RXFP2: variants seen among roughly 807,000 people sequenced by gnomAD.
RXFP2 encodes the protein relaxin receptor 2.
Under a neutral mutation model 88.6 loss-of-function variants are expected in RXFP2, and 68 were observed. That is an observed-to-expected ratio of 0.77 (90% CI 0.63 to 0.94). The LOEUF is 0.94. RXFP2 is among the 40% of genes least tolerant of loss of function. The pLI is 0.00. For missense variants in RXFP2, 791 were observed against 893.9 expected, an observed-to-expected ratio of 0.88 and a Z score of 1.47; for synonymous variants, 329 against 306.8, an observed-to-expected ratio of 1.07 and a Z score of -0.76.
At chr13:31,781,808 C>T (rs1873296391) in intron 10 of RXFP2, 66 bp downstream of exon 10, 1 of 1,338,786 alleles carries the variant, frequency 7.5e-7, no homozygotes, top group East Asian at 2.3e-5. Flanking sequence ...AAAAAGAAAA[C>T]ATTGACAAAA....
At chr13:31,756,614 A>C (rs1187812906) in intron 1 of RXFP2, among the ~76,000 whole-genome samples, 4 of 137,582 alleles carry the variant, frequency 2.9e-5, no homozygotes. Context: ...ATTTCTGTGA[A>C]GTTCCAATTT....
intron 7 of RXFP2, among the ~76,000 whole-genome samples, chr13:31,776,540 A>C (rs901758462): frequency 8.3e-4 from 126 of 152,202 alleles, no homozygotes; most frequent in African/African-American, 2.8e-3. Flanking sequence ...ATTACAGGCA[A>C]GAGCCACCAC....
chr13:31,782,625 A>T (rs1221944087), intron 10 of RXFP2, 51 bp from the exon 11 acceptor site: 2 of 1,339,134 alleles, frequency 1.5e-6, no homozygotes, highest in South Asian at 2.3e-5. Context: ...ATGAGAACTG[A>T]TTACTACAGC....
intron 16 of RXFP2, among the ~76,000 whole-genome samples, chr13:31,794,399 C>T (rs1187037320): frequency 6.6e-6 from 1 of 150,574 alleles, no homozygotes; most frequent in Non-Finnish European, 1.5e-5. Flanking sequence ...CACACACACA[C>T]ACACACACAC....
chr13:31,755,379 ATGTGGG>A (rs1241307594), intron 1 of RXFP2, among the ~76,000 whole-genome samples: 7 of 152,094 alleles, frequency 4.6e-5, no homozygotes, highest in African/African-American at 1.7e-4. Flanking sequence ...CATTATGTGG[ATGTGGG>A]TGTGGGTGTG....
chr13:31,763,910 A>G (rs1413831333), intron 3 of RXFP2, among the ~76,000 whole-genome samples: 1 of 152,204 alleles, frequency 6.6e-6, no homozygotes, highest in Non-Finnish European at 1.5e-5. Flanking sequence ...ATGTATAGAC[A>G]ACATAAAATA....
intron 16 of RXFP2, among the ~76,000 whole-genome samples, chr13:31,796,537 A>G (rs1454494941): frequency 1.3e-5 from 2 of 152,140 alleles, no homozygotes; most frequent in Non-Finnish European, 2.9e-5. Context: ...AGAGAGCTGA[A>G]AACAAAAATA....
At chr13:31,786,709 T>G (rs1873563040) in intron 13 of RXFP2, 72 bp downstream of exon 13, 3 of 960,776 alleles carry the variant, frequency 3.1e-6, no homozygotes, top group Non-Finnish European at 5.0e-6. Context: ...TATTTTTAAA[T>G]GGGTATTTTG....
In RXFP2 at chr13:31,802,701, C is replaced by A. The variant is rs2138477532; in HGVS notation, c.*296C>A. ...CTAGCTAATCAACACAACCCACCAA[C>A]AAATGACCACAGGTTGGCACTGTGT... is the stretch of plus-strand genomic sequence containing the variant. On this transcript the variant is annotated 3_prime_UTR_variant, in exon 18 of 18. Transcript: ENST00000298386. The A allele has an allele frequency of 2.4e-6, 1 of 414,576 alleles. No individual in the cohort carries two copies. The highest frequency in any genetic ancestry group is 4.5e-6 in the Non-Finnish European group (1 of 221,398). The allele number at this position is 414,576 out of a possible 1,614,324, so 25.7% of individuals were successfully genotyped here.
chr13:31,789,331 CT>C, intron 14 of RXFP2, 138 bp downstream of exon 14: 2 of 686,104 alleles, frequency 2.9e-6, no homozygotes, highest in Admixed American at 2.1e-5. Flanking sequence ...ATTTTGTCAC[CT>C]TTGGTCCCTG....
intron 13 of RXFP2, 69 bp from the exon 14 acceptor site, chr13:31,789,053 A>G: frequency 1.1e-6 from 1 of 924,098 alleles, no homozygotes; most frequent in Non-Finnish European, 1.8e-6. Context: ...TATTTCGGAT[A>G]TGATGAAGAA....
chr13:31,792,528 G>T, intron 15 of RXFP2, 150 bp from the exon 16 acceptor site: 1 of 720,724 alleles, frequency 1.4e-6, no homozygotes. Flanking sequence ...TCGCTTCTTG[G>T]TACTCAGATG....
At chr13:31,745,604 C>T (rs1461686980) in intron 1 of RXFP2, among the ~76,000 whole-genome samples, 2 of 152,198 alleles carry the variant, frequency 1.3e-5, no homozygotes, top group Non-Finnish European at 2.9e-5. Flanking sequence ...TTTCTGCAGT[C>T]CCGGCTCCCT....
intron 1 of RXFP2, among the ~76,000 whole-genome samples, chr13:31,740,812 A>C (rs185238444): frequency 6.6e-6 from 1 of 152,090 alleles, no homozygotes; most frequent in African/African-American, 2.4e-5. Context: ...GCTAAGGATT[A>C]ACTAAGAAGA....
chr13:31,765,748 C>T (rs867969527), intron 4 of RXFP2, among the ~76,000 whole-genome samples: 2 of 152,112 alleles, frequency 1.3e-5, no homozygotes, highest in Non-Finnish European at 2.9e-5. Context: ...TACTAACTGG[C>T]TACATTTGTC....
chr13:31,755,953 T>C (rs1871925943), intron 1 of RXFP2, among the ~76,000 whole-genome samples: 1 of 152,198 alleles, frequency 6.6e-6, no homozygotes, highest in African/African-American at 2.4e-5. Context: ...CACACCAGCC[T>C]CCGAAGTGTG....
intron 1 of RXFP2, among the ~76,000 whole-genome samples, chr13:31,746,243 T>C (rs1399390275): frequency 6.6e-6 from 1 of 152,210 alleles, no homozygotes; most frequent in Non-Finnish European, 1.5e-5. Context: ...CTGGAAAAAC[T>C]GGCCAAAATA....
chr13:31,762,519 C>T lies in RXFP2; in HGVS notation c.319+718C>T, dbSNP rs535814493. ...CTAGCCCATGAAGGGTTTTGGTGTA[C>T]ACCTTGAAGTGTGGCCTCTATCCCA... On this transcript the variant is annotated intron_variant, in intron 3 of 17. Transcript: ENST00000298386. Among the ~76,000 whole-genome samples, 212 of 152,304 alleles carry T rather than the reference C, an allele frequency of 1.4e-3. 1 individual carries two copies. The highest frequency in any genetic ancestry group is 2.2e-3 in the Non-Finnish European group (153 of 68,024).
rs772368172 is a variant in RXFP2, at chr13:31,781,707, T to C, written c.822T>C (p.Asn274=). Residue 274 remains asparagine, a synonymous_variant, in exon 10 of 18, where the codon AAT becomes AAC. Coordinates refer to ENST00000298386, the MANE Select transcript of RXFP2 (RefSeq NM_130806.5). ...GCAATAGAATAAAGTATCTCACAAA[T>C]TCTACGTTTCTGTCGTGCGATTCGC... is the stretch of plus-strand genomic sequence containing the variant. ...LEGNRIKYLT[N]STFLSCDSLT... is the part of the protein sequence containing the mutation. 3.7e-6 allele frequency: 6 copies of C among 1,612,924 alleles called. No homozygotes were observed. The highest frequency in any genetic ancestry group is 4.2e-6 in the Non-Finnish European group (5 of 1,179,170).
Sources: allele counts gnomAD v4.1 joint callset (sites outside exome capture counted in the v4.1 genomes callset), GRCh38; gene constraint gnomAD v4.1.1; transcripts MANE v1.5; gene names NCBI Gene and HGNC (gene_info 2026-07-23, HGNC 2026-07-21).